TMEM132E: variants seen among roughly 807,000 people sequenced by gnomAD.
The protein encoded by TMEM132E is transmembrane protein 132E.
TMEM132E carries 49 observed loss-of-function variants against 78.5 expected under a neutral mutation model. That is an observed-to-expected ratio of 0.62 (90% CI 0.50 to 0.79). The LOEUF is 0.79. Ranked by LOEUF, TMEM132E falls within the 30% of genes least tolerant of loss-of-function variation. The pLI, the probability that TMEM132E is intolerant of heterozygous loss-of-function variation, is 0.00. For synonymous variants in TMEM132E, 715 were observed against 670.6 expected, an observed-to-expected ratio of 1.07 and a Z score of -1.02; for missense variants, 1,403 against 1,470.9, an observed-to-expected ratio of 0.95 and a Z score of 0.75.
Position 34,637,871 on chromosome 17 carries a change from G to A in TMEM132E, c.2864G>A (p.Gly955Asp). ...RVQGELSPPA[G>D]NPLETVPAFC... ...CAAGGAGAGCTGTCGCCGCCAGCAG[G>A]CAACCCGCTGGAAACCGTGCCCGCC... Residue 955 changes from glycine to aspartate, a missense_variant, in exon 9 of 9, where the codon GGC becomes GAC. Physicochemically the swap from Gly to Asp is moderately conservative, Grantham distance 94. Transcript: ENST00000631683. 1 of 1,608,502 alleles carries A rather than the reference G, an allele frequency of 6.2e-7. No individual in the cohort carries two copies. The highest frequency in any genetic ancestry group is 8.5e-7 in the Non-Finnish European group (1 of 1,178,838).
At position 34,635,073 on chromosome 17, in the gene TMEM132E, A is replaced by C; in HGVS notation, c.1963A>C (p.Thr655Pro). The C allele has an allele frequency of 1.2e-6, 2 of 1,612,862 alleles. No individual in the cohort carries two copies. The highest frequency in any genetic ancestry group is 1.7e-6 in the Non-Finnish European group (2 of 1,179,410). ...SSTLAGLEPGTTPFKVVSPLT... is the reference protein window; with the variant it reads ...SSTLAGLEPGPTPFKVVSPLT... The stretch of plus-strand genomic sequence containing the variant: ...CACGCTGGCAGGACTGGAGCCAGGC[A>C]CCACCCCCTTTAAGGTAGGTATGGG... Residue 655 changes from threonine (T) to proline (P), a missense_variant, in exon 7 of 9, where the codon ACC (threonine) becomes CCC (proline). Coordinates refer to ENST00000631683, the MANE Select transcript of TMEM132E (RefSeq NM_001304438.2).
intron 1 of TMEM132E, among the ~76,000 whole-genome samples, chr17:34,615,124 C>G (rs950188241): frequency 7.3e-6 from 1 of 136,424 alleles, no homozygotes. Flanking sequence ...ATGCTTTCAG[C>G]AAGTCTTCCC....
At chr17:34,634,756 A>G (rs1907456895) in intron 6 of TMEM132E, 43 bp from the exon 7 acceptor site, 4 of 1,567,524 alleles carry the variant, frequency 2.6e-6, no homozygotes, top group Non-Finnish European at 3.5e-6. Flanking sequence ...TGCAGGTCAG[A>G]GTCCAGGTGA....
chr17:34,621,607 A>C (rs1419855976), intron 1 of TMEM132E, among the ~76,000 whole-genome samples: 2 of 152,176 alleles, frequency 1.3e-5, no homozygotes, highest in Non-Finnish European at 2.9e-5. Flanking sequence ...AGCAAGGGAG[A>C]GGGTCCCAGG....
In TMEM132E at chr17:34,638,251, C is replaced by G. The variant is rs1357749315; in HGVS notation, c.*19C>G. On this transcript the variant is annotated 3_prime_UTR_variant, in exon 9 of 9. Transcript: ENST00000631683. ...TGCATAGAGGCGCCAGCCGGAGTAG[C>G]AGGGACCCCCCCCCCCAACGGGGTC... The G allele has an allele frequency of 6.8e-7, 1 of 1,481,194 alleles. No individual in the cohort carries two copies. The highest frequency in any genetic ancestry group is 2.5e-5 in the East Asian group (1 of 39,292). The allele number at this position is 1,481,194 out of a possible 1,614,324, so 91.8% of individuals were successfully genotyped here.
chr17:34,595,737 G>T (rs957621652), intron 1 of TMEM132E, among the ~76,000 whole-genome samples: 2 of 152,198 alleles, frequency 1.3e-5, no homozygotes, highest in Non-Finnish European at 2.9e-5. Context: ...TCCTTCTTGT[G>T]TCTTCTTTGG....
rs1372421695 is a variant in TMEM132E, at chr17:34,580,500, T to C, written c.-577T>C. The C allele has an allele frequency of 1.3e-5, 2 of 152,292 alleles. No individual in the cohort carries two copies. The highest frequency in any genetic ancestry group is 2.9e-5 in the Non-Finnish European group (2 of 68,060). 9.4% of individuals were successfully genotyped at this position (152,292 alleles called of 1,614,324 possible). On this transcript the variant is annotated 5_prime_UTR_variant, in exon 1 of 9. Transcript: ENST00000631683. The stretch of plus-strand genomic sequence containing the variant: ...TTCAGCACCGCACGGAAACTTTTCC[T>C]TCTCCAGATGGATTAAAGTTGTCTG...
In TMEM132E at chr17:34,629,165, C is replaced by T. The variant is rs750528011; in HGVS notation, c.1299C>T (p.Val433=). ...DLERAVTELT[V]IQRDVQAILP... is the part of the protein sequence containing the mutation. ...AGCGGGCAGTCACTGAGCTGACGGT[C>T]ATTCAGCGGGATGTGCAAGCCATCC... Residue 433 remains valine (V), a synonymous_variant, in exon 4 of 9, where the codon GTC becomes GTT. Coordinates refer to ENST00000631683, the MANE Select transcript of TMEM132E (RefSeq NM_001304438.2). 9 of 1,613,978 alleles carry T rather than the reference C, an allele frequency of 5.6e-6. No homozygotes were observed. Among genetic ancestry groups the T allele is most frequent in the Non-Finnish European group, 8.5e-7 (1 of 1,180,004 alleles).
chr17:34,592,540 G>C (rs1431114429), intron 1 of TMEM132E, among the ~76,000 whole-genome samples: 1 of 152,202 alleles, frequency 6.6e-6, no homozygotes, highest in Non-Finnish European at 1.5e-5. Context: ...CTTGAACCCT[G>C]AAGATCCTGG....
intron 1 of TMEM132E, among the ~76,000 whole-genome samples, chr17:34,596,021 C>T (rs1301670319): frequency 7.2e-6 from 1 of 139,546 alleles, no homozygotes; most frequent in Non-Finnish European, 1.6e-5. Flanking sequence ...GACCCCAACC[C>T]CTCTCTCCCT....
At chr17:34,597,277 A>G (rs1334790095) in intron 1 of TMEM132E, among the ~76,000 whole-genome samples, 1 of 152,040 alleles carries the variant, frequency 6.6e-6, no homozygotes, top group East Asian at 1.9e-4. Context: ...GCCTGCCCCA[A>G]CAGACGGGAT....
chr17:34,629,314 A>G (rs1907267942), intron 4 of TMEM132E, 110 bp downstream of exon 4: 1 of 1,241,086 alleles, frequency 8.1e-7, no homozygotes, highest in East Asian at 2.7e-5. Flanking sequence ...ACATGTGTGT[A>G]TATGTGAGAC....
intron 1 of TMEM132E, chr17:34,614,486 G>A (rs976721968): frequency 6.6e-6 from 1 of 152,174 alleles, no homozygotes; most frequent in Non-Finnish European, 1.5e-5. Context: ...ATGCTTGATT[G>A]GAAGTACAAA....
rs1238536675 is a variant in TMEM132E, at chr17:34,579,860, C to G, written c.-1217C>G. The G allele has an allele frequency of 3.3e-5, 5 of 152,274 alleles. No homozygotes were observed. Among genetic ancestry groups the G allele is most frequent in the African/African-American group, 4.8e-5 (2 of 41,570 alleles). The allele number at this position is 152,274 out of a possible 1,614,324, so 9.4% of individuals were successfully genotyped here. A position where few individuals can be genotyped will look rare whatever the true frequency, so the allele number is the denominator to read the frequency against. ...CGCCCGCGTCTCACCGCCCGCAGCC[C>G]GGACTGGCGCGGCGATCCGCTCGCC... On this transcript the variant is annotated 5_prime_UTR_variant, in exon 1 of 9. Coordinates refer to ENST00000631683, the MANE Select transcript of TMEM132E (RefSeq NM_001304438.2).
In TMEM132E at chr17:34,637,792, A is replaced by G; in HGVS notation, c.2785A>G (p.Met929Val). ...CATCCCGCCCGAGGGCCAGACCAGC[A>G]TGGACCACTCTCACCACTGGGTGTT... ...KRIPPEGQTS[M>V]DHSHHWVFLG... Residue 929 changes from methionine (M) to valine (V), a missense_variant, in exon 9 of 9, where the codon ATG becomes GTG. This residue lies in a region of TMEM132E where 888 missense variants were observed against 952.8 expected (regional missense o/e 0.93). Transcript: ENST00000631683. The G allele has an allele frequency of 1.9e-6, 3 of 1,613,348 alleles. No individual in the cohort carries two copies. The highest frequency in any genetic ancestry group is 2.5e-6 in the Non-Finnish European group (3 of 1,179,954).
chr17:34,597,309 G>A (rs937246005), intron 1 of TMEM132E, among the ~76,000 whole-genome samples: 9 of 152,038 alleles, frequency 5.9e-5, no homozygotes, highest in Admixed American at 2.6e-4. Context: ...AGGGCTCCAG[G>A]GGCACTCAGA....
At chr17:34,620,521 A>G (rs894880704) in intron 1 of TMEM132E, among the ~76,000 whole-genome samples, 8 of 152,262 alleles carry the variant, frequency 5.3e-5, no homozygotes, top group African/African-American at 1.9e-4. Flanking sequence ...AGGCAGAGGT[A>G]TGAAAAACAA....
At chr17:34,631,654 A>T (rs1467557809) in intron 5 of TMEM132E, among the ~76,000 whole-genome samples, 1 of 152,024 alleles carries the variant, frequency 6.6e-6, no homozygotes, top group Non-Finnish European at 1.5e-5. Flanking sequence ...CCCCTCTGAG[A>T]TGATGATGGG....
chr17:34,637,714 CTCGTCTTCCTCATCAACTGCA>C lies in TMEM132E; in HGVS notation c.2712_2732del (p.Leu906_Phe912del), dbSNP rs1907579328. The C allele has an allele frequency of 6.2e-7, 1 of 1,613,112 alleles. No individual in the cohort carries two copies. The highest frequency in any genetic ancestry group is 1.1e-5 in the South Asian group (1 of 91,090). ...GCTGGGCGTCTTCTGCCTCGCCATC[CTCGTCTTCCTCATCAACTGCA>C]TCGTTTTTGTGCTGCGCTACCGGCA... is the stretch of plus-strand genomic sequence containing the variant. On this transcript the variant is annotated inframe_deletion, in exon 9 of 9. Coordinates refer to ENST00000631683, the MANE Select transcript of TMEM132E (RefSeq NM_001304438.2).
Sources: gnomAD v4.1 joint callset for allele counts (sites outside exome capture counted in the v4.1 genomes callset) on GRCh38, gnomAD v4.1.1 for gene constraint, gnomAD v4.1.1 regional missense constraint, MANE v1.5 for transcripts, NCBI Gene and HGNC (gene_info 2026-07-23, HGNC 2026-07-21) for gene names.